HMCN1: variants seen among roughly 807,000 people sequenced by gnomAD.
The protein encoded by HMCN1 is hemicentin 1.
Under a neutral mutation model 625.9 loss-of-function variants are expected in HMCN1, and 321 were observed. The ratio of observed to expected loss-of-function variants is 0.51; its 90% confidence interval spans 0.47 to 0.56. The LOEUF (loss-of-function observed/expected upper bound fraction) is 0.56. Among genes scored for constraint, HMCN1 ranks in the 20% least tolerant of loss-of-function variants. HMCN1 has a pLI of 0.00. For synonymous variants in HMCN1, 2,425 were observed against 2,417.6 expected, an observed-to-expected ratio of 1.00 and a Z score of -0.09; for missense variants, 6,588 against 6,887.3, an observed-to-expected ratio of 0.96 and a Z score of 1.54.
At chr1:185,961,483 AATTT>A (rs1363234076) in intron 11 of HMCN1, among the ~76,000 whole-genome samples, 1 of 152,174 alleles carries the variant, frequency 6.6e-6, no homozygotes, top group Non-Finnish European at 1.5e-5. Flanking sequence ...TCATTGAATG[AATTT>A]ATTTATTTTT....
intron 15 of HMCN1, among the ~76,000 whole-genome samples, chr1:185,972,278 G>A (rs1250239545): frequency 6.6e-6 from 1 of 152,118 alleles, no homozygotes; most frequent in African/African-American, 2.4e-5. Flanking sequence ...AGAATCTTTT[G>A]CACATGCTTC....
intron 4 of HMCN1, among the ~76,000 whole-genome samples, chr1:185,894,186 A>G (rs1250764521): frequency 6.7e-6 from 1 of 149,698 alleles, no homozygotes; most frequent in Admixed American, 6.6e-5. Flanking sequence ...ACAGAAAAAA[A>G]CAACAAAAAT....
chr1:185,774,173 T>A (rs1279506922), intron 1 of HMCN1, among the ~76,000 whole-genome samples: 1 of 152,152 alleles, frequency 6.6e-6, no homozygotes, highest in Non-Finnish European at 1.5e-5. Context: ...AATTTGTTTT[T>A]TTAAAGCTTG....
chr1:186,080,804 T>C (rs1380014304), intron 55 of HMCN1, among the ~76,000 whole-genome samples: 3 of 152,192 alleles, frequency 2.0e-5, no homozygotes, highest in Non-Finnish European at 4.4e-5. Flanking sequence ...TTAAAAGGTG[T>C]AATTTTTCTG....
intron 1 of HMCN1, among the ~76,000 whole-genome samples, chr1:185,745,843 C>T (rs760024681): frequency 6.6e-5 from 10 of 151,928 alleles, no homozygotes; most frequent in Non-Finnish European, 8.8e-5. Context: ...CTGAAGCCAT[C>T]GGAATAAATG....
In HMCN1 at chr1:186,086,239, A is replaced by C. The variant is rs6425017; in HGVS notation, c.8885-7A>C. On this transcript the variant is annotated splice_polypyrimidine_tract_variant and splice_region_variant and intron_variant, in intron 57 of 106. Coordinates refer to ENST00000271588, the MANE Select transcript of HMCN1 (RefSeq NM_031935.3). Reference sequence around the variant, plus strand: ...TGCTTTCACTTTTAATATATTTACTATTATAGTTCCTCCAAGTGTCATTGG... The same window carrying C: ...TGCTTTCACTTTTAATATATTTACTCTTATAGTTCCTCCAAGTGTCATTGG... The C allele has an allele frequency of 1.2e-6, 2 of 1,605,634 alleles. No homozygotes were observed. The highest frequency in any genetic ancestry group is 2.7e-5 in the African/African-American group (2 of 74,688).
rs183801486 is a variant in HMCN1 at position 185,831,540 on chromosome 1, C to T, written c.269-14486C>T. Reference sequence around the variant, plus strand: ...CATTGTTCAGGAGTACTAGCCAATGCAATTAGATAAAAGAAAGAAATTAGA... The same window carrying T: ...CATTGTTCAGGAGTACTAGCCAATGTAATTAGATAAAAGAAAGAAATTAGA... On this transcript the variant is annotated intron_variant, in intron 1 of 106. Coordinates refer to ENST00000271588, the MANE Select transcript of HMCN1 (RefSeq NM_031935.3). Among the ~76,000 whole-genome samples the T allele has an allele frequency of 3.3e-3, 503 of 151,742 alleles. 1 individual carries two copies. Among genetic ancestry groups the T allele is most frequent in the African/African-American group, 0.012 (479 of 41,344 alleles).
At position 186,055,875 on chromosome 1, in the gene HMCN1, A is replaced by T. The variant is rs191813432; in HGVS notation, c.7144+201A>T. On this transcript the variant is annotated intron_variant, in intron 45 of 106. Coordinates refer to ENST00000271588, the MANE Select transcript of HMCN1 (RefSeq NM_031935.3). ...TTATTTACCTTGCTGAAATAAGCGCATATTAGATATTCTTTAAGGAAAGCA... is the reference window on the plus strand; with the variant it reads ...TTATTTACCTTGCTGAAATAAGCGCTTATTAGATATTCTTTAAGGAAAGCA... Among the ~76,000 whole-genome samples, 6 of 152,080 alleles carry T rather than the reference A, an allele frequency of 3.9e-5. No individual in the cohort carries two copies. The South Asian group carries it at 1.0e-3, about 26-fold the overall frequency.
intron 93 of HMCN1, among the ~76,000 whole-genome samples, chr1:186,148,477 A>G (rs1271070703): frequency 1.3e-5 from 2 of 152,182 alleles, no homozygotes; most frequent in African/African-American, 4.8e-5. Context: ...CAAAGGAATC[A>G]CTATGGTAGT....
At chr1:185,804,658 C>T (rs1259060518) in intron 1 of HMCN1, among the ~76,000 whole-genome samples, 1 of 152,080 alleles carries the variant, frequency 6.6e-6, no homozygotes, top group Non-Finnish European at 1.5e-5. Context: ...GACCTTCTAC[C>T]TCTCCTTCCA....
chr1:186,119,676 C>A, intron 78 of HMCN1, 69 bp from the exon 79 acceptor site: 3 of 1,493,330 alleles, frequency 2.0e-6, no homozygotes, highest in South Asian at 2.3e-5. Flanking sequence ...TTTTTAAGCT[C>A]ATTACTACAA....
chr1:185,965,142 A>C (rs1038761161), intron 13 of HMCN1, among the ~76,000 whole-genome samples: 3 of 152,096 alleles, frequency 2.0e-5, no homozygotes, highest in East Asian at 3.9e-4. Flanking sequence ...TGTTTAAGTA[A>C]ACTGAACCAT....
At chr1:185,762,711 C>T (rs374831537) in intron 1 of HMCN1, among the ~76,000 whole-genome samples, 3 of 152,222 alleles carry the variant, frequency 2.0e-5, no homozygotes, top group East Asian at 1.9e-4. Context: ...GACACTGTCC[C>T]TGATAATAAA....
At chr1:186,137,411 C>T (rs1649671852) in intron 87 of HMCN1, 87 bp from the exon 88 acceptor site, 1 of 1,407,718 alleles carries the variant, frequency 7.1e-7, no homozygotes, top group Admixed American at 1.9e-5. Flanking sequence ...ATATTTAGCT[C>T]TGTAACCCGT....
At chr1:186,108,381 A>G in intron 70 of HMCN1, 80 bp from the exon 71 acceptor site, 3 of 1,599,596 alleles carry the variant, frequency 1.9e-6, no homozygotes, top group African/African-American at 2.7e-5. Flanking sequence ...GCCTCTTATT[A>G]TTTCATATAG....
intron 10 of HMCN1, among the ~76,000 whole-genome samples, chr1:185,931,270 T>C (rs1252380879): frequency 6.6e-6 from 1 of 152,130 alleles, no homozygotes; most frequent in Non-Finnish European, 1.5e-5. Context: ...TCCTTTCTGC[T>C]ACCCTAATCC....
Position 185,797,705 on chromosome 1 carries a change from G to A in HMCN1, c.269-48321G>A, listed in dbSNP as rs1407713316. 3.1e-5 allele frequency among the ~76,000 whole-genome samples: 4 copies of A among 128,338 alleles called. No individual in the cohort carries two copies. The East Asian group carries it at 5.9e-4, about 19-fold the overall frequency. 84.2% of individuals were successfully genotyped at this position (128,338 alleles called of 152,430 possible). Reference sequence around the variant, plus strand: ...GTTTTGGCCGGGCGCGGTGGCTCACGCCTGTAATCCCAGCACTTTGGGAGG... The same window carrying A: ...GTTTTGGCCGGGCGCGGTGGCTCACACCTGTAATCCCAGCACTTTGGGAGG... On this transcript the variant is annotated intron_variant, in intron 1 of 106. Transcript: ENST00000271588.
intron 41 of HMCN1, among the ~76,000 whole-genome samples, chr1:186,047,856 A>T (rs369142199): frequency 6.6e-6 from 1 of 152,118 alleles, no homozygotes; most frequent in African/African-American, 2.4e-5. Flanking sequence ...GTTCACACCA[A>T]TTGATTAATA....
At chr1:185,941,107 G>A (rs1289887967) in intron 11 of HMCN1, among the ~76,000 whole-genome samples, 1 of 151,972 alleles carries the variant, frequency 6.6e-6, no homozygotes, top group East Asian at 1.9e-4. Flanking sequence ...TGCCCGCCTC[G>A]GCCTCCCAAA....
Sources: allele counts gnomAD v4.1 joint callset (sites outside exome capture counted in the v4.1 genomes callset), GRCh38; gene constraint gnomAD v4.1.1; transcripts MANE v1.5; gene names NCBI Gene and HGNC (gene_info 2026-07-23, HGNC 2026-07-21).